EYS: variants seen among roughly 807,000 people sequenced by gnomAD.
EYS encodes the protein protein eyes shut homolog.
Under a neutral mutation model 282.1 loss-of-function variants are expected in EYS, and 250 were observed. The ratio of observed to expected loss-of-function variants is 0.89; its 90% CI spans 0.80 to 0.98. EYS has a LOEUF of 0.98. Ranked by LOEUF, EYS falls within the 50% of genes least tolerant of loss-of-function variation. The pLI is 0.00. For synonymous variants in EYS, 1,355 were observed against 1,282.9 expected (o/e 1.06, Z -1.20); for missense variants, 4,016 against 3,709.0 (o/e 1.08, Z -2.15).
chr6:64,140,714 T>C (rs893053802), intron 31 of EYS, among the ~76,000 whole-genome samples: 8 of 152,174 alleles, frequency 5.3e-5, no homozygotes, highest in African/African-American at 1.4e-4. Flanking sequence ...TCTCTCACTA[T>C]AGGTTTTGGC....
At chr6:64,524,564 G>A (rs1777856543) in intron 26 of EYS, among the ~76,000 whole-genome samples, 1 of 151,842 alleles carries the variant, frequency 6.6e-6, no homozygotes, top group Admixed American at 6.6e-5. Context: ...CCTATGTCCA[G>A]AATAGTATTG....
chr6:64,315,238 C>T (rs1322920490), intron 29 of EYS, among the ~76,000 whole-genome samples: 1 of 152,070 alleles, frequency 6.6e-6, no homozygotes, highest in Admixed American at 6.6e-5. Context: ...GATGTCAAAT[C>T]CCTGAATAAT....
At chr6:63,999,003 T>G in intron 34 of EYS, 72 bp downstream of exon 34, 2 of 918,036 alleles carry the variant, frequency 2.2e-6, no homozygotes, top group Non-Finnish European at 3.5e-6. Context: ...TACTGCTTAG[T>G]AACATAAAAA....
intron 35 of EYS, among the ~76,000 whole-genome samples, chr6:63,888,600 A>G (rs1372658297): frequency 6.6e-6 from 1 of 152,248 alleles, no homozygotes; most frequent in Non-Finnish European, 1.5e-5. Context: ...ATCAAGATCA[A>G]CAAAAAGGAT....
intron 22 of EYS, among the ~76,000 whole-genome samples, chr6:64,699,501 A>G (rs2149922688): frequency 6.6e-6 from 1 of 152,216 alleles, no homozygotes; most frequent in Admixed American, 6.5e-5. Flanking sequence ...TGAGAAATAG[A>G]AAGGGGTCTC....
chr6:64,313,113 G>T (rs1389319053), intron 29 of EYS, among the ~76,000 whole-genome samples: 1 of 152,204 alleles, frequency 6.6e-6, no homozygotes, highest in Non-Finnish European at 1.5e-5. Flanking sequence ...CTAACACAAT[G>T]CAAGGAAGCT....
chr6:64,168,022 G>A (rs2150304919), intron 31 of EYS, among the ~76,000 whole-genome samples: 1 of 152,308 alleles, frequency 6.6e-6, no homozygotes, highest in African/African-American at 2.4e-5. Flanking sequence ...CAGCACTTTG[G>A]GAGGCCGAGG....
intron 11 of EYS, among the ~76,000 whole-genome samples, chr6:65,306,309 T>C (rs1199725220): frequency 6.6e-6 from 1 of 152,170 alleles, no homozygotes; most frequent in East Asian, 1.9e-4. Flanking sequence ...GCCACAGGAC[T>C]GCCCATTCAG....
chr6:63,741,495 G>T (rs1562004489), intron 41 of EYS, among the ~76,000 whole-genome samples: 1 of 152,156 alleles, frequency 6.6e-6, no homozygotes, highest in African/African-American at 2.4e-5. Context: ...TTTTTAATAT[G>T]AGCAAAAGAT....
intron 30 of EYS, among the ~76,000 whole-genome samples, chr6:64,237,351 C>T (rs1195282242): frequency 1.3e-5 from 2 of 152,136 alleles, no homozygotes; most frequent in African/African-American, 4.8e-5. Context: ...GCTGTGATGG[C>T]TTACCACTCT....
chr6:65,626,573 CCT>C (rs1766700504), intron 2 of EYS, among the ~76,000 whole-genome samples: 1 of 151,872 alleles, frequency 6.6e-6, no homozygotes, highest in Non-Finnish European at 1.5e-5. Context: ...TTAAACAAAC[CCT>C]AATTTTTTAA....
intron 5 of EYS, among the ~76,000 whole-genome samples, chr6:65,416,338 A>G (rs1016050171): frequency 3.3e-5 from 5 of 152,034 alleles, no homozygotes; most frequent in African/African-American, 1.2e-4. Flanking sequence ...TTATTAAAAG[A>G]TGTTCATGAT....
At chr6:64,007,878 A>G (rs1768426128) in intron 33 of EYS, among the ~76,000 whole-genome samples, 1 of 152,004 alleles carries the variant, frequency 6.6e-6, no homozygotes, top group African/African-American at 2.4e-5. Flanking sequence ...TGGTTGTTTA[A>G]ATTTGCTGAG....
At chr6:64,812,350 C>T (rs183974164) in intron 22 of EYS, among the ~76,000 whole-genome samples, 101 of 151,736 alleles carry the variant, frequency 6.7e-4, no homozygotes, top group Middle Eastern at 3.4e-3. Flanking sequence ...ATATCTATGT[C>T]GTAATAATAA....
At chr6:64,184,920 T>C (rs766654755) in intron 31 of EYS, among the ~76,000 whole-genome samples, 1 of 152,000 alleles carries the variant, frequency 6.6e-6, no homozygotes. Context: ...CAAATCCATA[T>C]GCTGAAAATC....
intron 22 of EYS, among the ~76,000 whole-genome samples, chr6:64,739,436 T>C (rs1772294131): frequency 6.6e-6 from 1 of 152,194 alleles, no homozygotes; most frequent in African/African-American, 2.4e-5. Flanking sequence ...AAGACTAAAG[T>C]TTAGCAATAA....
chr6:64,686,819 A>ATATG (rs1562133895), intron 22 of EYS, among the ~76,000 whole-genome samples: 5 of 45,088 alleles, frequency 1.1e-4, no homozygotes, highest in Non-Finnish European at 1.5e-4. Context: ...GTATATATAT[A>ATATG]TGTGTATATA....
intron 5 of EYS, among the ~76,000 whole-genome samples, chr6:65,428,667 C>T (rs1031826649): frequency 2.0e-5 from 3 of 152,064 alleles, no homozygotes; most frequent in Non-Finnish European, 2.9e-5. Flanking sequence ...TTAAACTCCA[C>T]CCATGCCCTC....
At chr6:63,749,533 A>G (rs762809060) in intron 41 of EYS, among the ~76,000 whole-genome samples, 4 of 152,146 alleles carry the variant, frequency 2.6e-5, no homozygotes, top group Non-Finnish European at 5.9e-5. Flanking sequence ...GGTCCTGAAT[A>G]TCTTTGTTAA....
Sources: gnomAD v4.1 joint callset for allele counts (sites outside exome capture counted in the v4.1 genomes callset) on GRCh38, gnomAD v4.1.1 for gene constraint, MANE v1.5 for transcripts, NCBI Gene and HGNC (gene_info 2026-07-23, HGNC 2026-07-21) for gene names.